Variants in WRN observed in about 807,000 individuals in gnomAD.
The protein encoded by WRN is bifunctional 3'-5' exonuclease/ATP-dependent helicase WRN.
A neutral mutation model predicts 180.7 loss-of-function variants in WRN; 149 were observed. The ratio of observed to expected loss-of-function variants is 0.82; its 90% CI spans 0.72 to 0.94. The LOEUF (loss-of-function observed/expected upper bound fraction) is 0.94. Ranked by LOEUF, WRN falls within the 40% of genes least tolerant of loss-of-function variation. The pLI, the probability that WRN is intolerant of heterozygous loss-of-function variation, is 0.00. For missense variants in WRN, 1,661 were observed against 1,700.1 expected, an observed-to-expected ratio of 0.98 and a Z score of 0.40; for synonymous variants, 548 against 568.9, an observed-to-expected ratio of 0.96 and a Z score of 0.52.
chr8:31,074,515 AAG>A, intron 7 of WRN, among the ~76,000 whole-genome samples: 1 of 152,254 alleles, frequency 6.6e-6, no homozygotes, highest in East Asian at 1.9e-4. Flanking sequence ...CAAAGAAAGG[AAG>A]AGGTTTGAAA....
chr8:31,099,063 TGAAA>T (rs1278283392), intron 17 of WRN, among the ~76,000 whole-genome samples: 8 of 146,792 alleles, frequency 5.4e-5, no homozygotes, highest in East Asian at 4.0e-4. Context: ...GTGCTAGTTA[TGAAA>T]GAAAGAAAGA....
At chr8:31,082,612 T>A (rs972079056) in intron 9 of WRN, among the ~76,000 whole-genome samples, 1 of 152,134 alleles carries the variant, frequency 6.6e-6, no homozygotes, top group African/African-American at 2.4e-5. Flanking sequence ...ATTTTTTTTT[T>A]TTGAGATGGA....
intron 10 of WRN, among the ~76,000 whole-genome samples, chr8:31,084,199 A>G (rs951172883): frequency 1.8e-4 from 27 of 152,032 alleles, no homozygotes; most frequent in Admixed American, 9.8e-4. Flanking sequence ...GGGTCTCACC[A>G]TGTTGTCCTT....
intron 31 of WRN, among the ~76,000 whole-genome samples, chr8:31,153,026 G>GAA (rs112947160): frequency 7.7e-5 from 10 of 129,412 alleles, no homozygotes; most frequent in African/African-American, 1.4e-4. Flanking sequence ...CTGAGTGATA[G>GAA]AAAAAAAAAA....
Position 31,064,922 on chromosome 8 carries a change from C to G in WRN, c.363C>G (p.Pro121=), listed in dbSNP as rs372942234. 2 of 1,613,224 alleles carry G rather than the reference C, an allele frequency of 1.2e-6. No homozygotes were observed. The highest frequency in any genetic ancestry group is 1.7e-6 in the Non-Finnish European group (2 of 1,179,688). ...AACAAGAAAATGTTACAGTTTTTCC[C>G]CAGGGATTAAAAATGTTGCTTGAAA... The part of the protein sequence containing the change: ...LFHVSSMSVF[P]QGLKMLLENK... The change falls in exon 5 of 35, where the codon CCC becomes CCG. Residue 121 remains proline (P), a synonymous_variant. Coordinates refer to ENST00000298139, the MANE Select transcript of WRN (RefSeq NM_000553.6).
At chr8:31,075,833 C>G (rs961475777) in intron 7 of WRN, among the ~76,000 whole-genome samples, 1 of 152,134 alleles carries the variant, frequency 6.6e-6, no homozygotes, top group Non-Finnish European at 1.5e-5. Flanking sequence ...TATTAAGTAG[C>G]AGCATACATG....
At chr8:31,115,903 C>G (rs1038373302) in intron 19 of WRN, among the ~76,000 whole-genome samples, 6 of 152,098 alleles carry the variant, frequency 3.9e-5, no homozygotes, top group African/African-American at 1.4e-4. Context: ...AAAGCTCTTG[C>G]TTTAGTAAAC....
chr8:31,069,255 C>T (rs139294550), intron 7 of WRN, among the ~76,000 whole-genome samples: 45 of 152,266 alleles, frequency 3.0e-4, no homozygotes, highest in African/African-American at 8.9e-4. Context: ...TTATAATTGT[C>T]GTTGAGCCTC....
At chr8:31,063,653 G>C (rs1047594653) in intron 3 of WRN, among the ~76,000 whole-genome samples, 10 of 152,170 alleles carry the variant, frequency 6.6e-5, no homozygotes, top group African/African-American at 2.4e-4. Flanking sequence ...CGTAGACTTA[G>C]TTTGCATTTC....
chr8:31,087,050 C>G (rs1813560268), intron 11 of WRN, among the ~76,000 whole-genome samples: 1 of 147,526 alleles, frequency 6.8e-6, no homozygotes, highest in Non-Finnish European at 1.5e-5. Context: ...AATGAACATA[C>G]TTTTTTTTAA....
intron 3 of WRN, among the ~76,000 whole-genome samples, chr8:31,062,663 T>C (rs966081071): frequency 6.6e-6 from 1 of 152,078 alleles, no homozygotes; most frequent in Non-Finnish European, 1.5e-5. Context: ...TCTGCCTGCC[T>C]TGGCCCCCCA....
At position 31,045,629 on chromosome 8, in the gene WRN, T is replaced by A. The variant is rs557408708; in HGVS notation, c.-77+11656T>A. On this transcript the variant is annotated intron_variant, in intron 1 of 34. Coordinates refer to ENST00000298139, the MANE Select transcript of WRN (RefSeq NM_000553.6). ...GTTGGCCAGGCTGGTCTCGAACTCCTGACCTCAGGTGATCTGCCCGCCTCG... is the reference window on the plus strand; with the variant it reads ...GTTGGCCAGGCTGGTCTCGAACTCCAGACCTCAGGTGATCTGCCCGCCTCG... Among the ~76,000 whole-genome samples the A allele has an allele frequency of 1.2e-4, 19 of 152,278 alleles. 1 individual carries two copies. The South Asian group carries it at 2.1e-3, about 17-fold the overall frequency.
chr8:31,106,616 A>G (rs1801107574), intron 18 of WRN, among the ~76,000 whole-genome samples: 1 of 152,014 alleles, frequency 6.6e-6, no homozygotes, highest in Non-Finnish European at 1.5e-5. Context: ...ATGTTCTCCC[A>G]TACTTCTCTC....
intron 9 of WRN, among the ~76,000 whole-genome samples, chr8:31,083,038 A>G (rs1228552967): frequency 6.6e-6 from 1 of 151,876 alleles, no homozygotes; most frequent in Non-Finnish European, 1.5e-5. Flanking sequence ...TCTTTTTCCT[A>G]CTTCCTGTTT....
At chr8:31,107,245 C>T (rs1280067586) in intron 18 of WRN, among the ~76,000 whole-genome samples, 2 of 53,600 alleles carry the variant, frequency 3.7e-5, no homozygotes, top group South Asian at 1.0e-3. Context: ...CCTGGAGGAC[C>T]GATTTCCATT....
intron 24 of WRN, among the ~76,000 whole-genome samples, chr8:31,136,881 C>T (rs571728362): frequency 1.3e-5 from 2 of 149,936 alleles, no homozygotes; most frequent in African/African-American, 5.0e-5. Context: ...ATGCCCAAAT[C>T]CGTAAGCTAT....
At chr8:31,127,783 G>A (rs965397043) in intron 23 of WRN, among the ~76,000 whole-genome samples, 3 of 151,948 alleles carry the variant, frequency 2.0e-5, no homozygotes, top group African/African-American at 7.3e-5. Flanking sequence ...AATTAGCTAG[G>A]CATAGCATTA....
chr8:31,065,228 T>C (rs754169266), intron 5 of WRN, among the ~76,000 whole-genome samples, 165 bp downstream of exon 5: 19 of 152,206 alleles, frequency 1.2e-4, no homozygotes, highest in Admixed American at 9.8e-4. Flanking sequence ...AAACCTTTAT[T>C]TATTTATTTA....
Position 31,096,753 on chromosome 8 carries a change from T to A in WRN, c.1899-15T>A, listed in dbSNP as rs781434765. 8 of 1,593,538 alleles carry A rather than the reference T, an allele frequency of 5.0e-6. No individual in the cohort carries two copies. The highest frequency in any genetic ancestry group is 4.3e-6 in the Non-Finnish European group (5 of 1,171,472). Reference sequence around the variant, plus strand: ...GTTTTTTTTTTTTTCTTTTTTCTTTTGTTTGTTTTTACAGAGGTAAATACC... The same window carrying A: ...GTTTTTTTTTTTTTCTTTTTTCTTTAGTTTGTTTTTACAGAGGTAAATACC... On this transcript the variant is annotated splice_polypyrimidine_tract_variant and intron_variant, in intron 16 of 34. Transcript: ENST00000298139.
Sources: allele counts gnomAD v4.1 joint callset (sites outside exome capture counted in the v4.1 genomes callset), GRCh38; gene constraint gnomAD v4.1.1; transcripts MANE v1.5; gene names NCBI Gene and HGNC (gene_info 2026-07-23, HGNC 2026-07-21).